Variants in ITGA9 observed in about 807,000 individuals in gnomAD.
ITGA9 encodes integrin alpha-9.
Under a neutral mutation model 127.8 loss-of-function variants are expected in ITGA9, and 56 were observed. That is an observed-to-expected ratio of 0.44 (90% confidence interval 0.35 to 0.55). The LOEUF is 0.55. Among genes scored for constraint, ITGA9 ranks in the 20% least tolerant of loss-of-function variants. The pLI is 0.00. For missense variants in ITGA9, 1,196 were observed against 1,347.1 expected (o/e 0.89, Z 1.76); for synonymous variants, 508 against 514.5 (o/e 0.99, Z 0.17).
chr3:37,618,436 C>G (rs952636725), intron 15 of ITGA9, among the ~76,000 whole-genome samples: 4 of 152,228 alleles, frequency 2.6e-5, no homozygotes, highest in Admixed American at 1.3e-4. Context: ...GGCAGTCTGT[C>G]CATTCTCAGA....
intron 1 of ITGA9, among the ~76,000 whole-genome samples, chr3:37,453,561 A>G (rs1698225496): frequency 6.6e-6 from 1 of 152,186 alleles, no homozygotes; most frequent in Admixed American, 6.5e-5. Flanking sequence ...GGCTGCGGGA[A>G]GTTCCCCCGT....
intron 18 of ITGA9, among the ~76,000 whole-genome samples, chr3:37,708,455 G>A (rs9832417): frequency 0.071 from 10,842 of 152,248 alleles, 1,169 homozygotes; most frequent in African/African-American, 0.23. Context: ...TAAAGGGAGG[G>A]TTGGAGAGTG....
chr3:37,557,929 A>G (rs1264539995), intron 15 of ITGA9, among the ~76,000 whole-genome samples: 1 of 152,208 alleles, frequency 6.6e-6, no homozygotes, highest in Non-Finnish European at 1.5e-5. Context: ...TCCAGCAACC[A>G]ACTAGTTCTA....
chr3:37,689,565 G>A (rs1700812059), intron 18 of ITGA9, among the ~76,000 whole-genome samples: 1 of 152,202 alleles, frequency 6.6e-6, no homozygotes, highest in South Asian at 2.1e-4. Flanking sequence ...CCCTGTGGGA[G>A]CAGTGAGAGG....
At chr3:37,490,974 G>C (rs267525) in intron 4 of ITGA9, among the ~76,000 whole-genome samples, 63,228 of 120,356 alleles carry the variant, frequency 0.53, 17,605 homozygotes, top group East Asian at 0.82. Flanking sequence ...CTTCCCCCCC[G>C]CTTTTTTTTT....
intron 19 of ITGA9, among the ~76,000 whole-genome samples, chr3:37,734,068 CTG>C (rs960935403): frequency 2.0e-5 from 3 of 152,238 alleles, no homozygotes; most frequent in Non-Finnish European, 4.4e-5. Context: ...CTACCACAAA[CTG>C]TGTGATCTTG....
intron 18 of ITGA9, among the ~76,000 whole-genome samples, chr3:37,720,300 A>G (rs759792571): frequency 6.6e-6 from 1 of 152,206 alleles, no homozygotes; most frequent in Non-Finnish European, 1.5e-5. Flanking sequence ...CCCTTCAAAC[A>G]TTTGACTCCC....
chr3:37,689,729 C>A (rs754218734), intron 18 of ITGA9, among the ~76,000 whole-genome samples: 10 of 152,230 alleles, frequency 6.6e-5, no homozygotes, highest in Non-Finnish European at 8.8e-5. Flanking sequence ...TGGAGATGTA[C>A]AGCTCTATGG....
intron 26 of ITGA9, among the ~76,000 whole-genome samples, chr3:37,793,375 GC>G (rs1162167016): frequency 1.4e-5 from 2 of 138,688 alleles, no homozygotes; most frequent in East Asian, 4.2e-4. Context: ...GACTTCCACA[GC>G]CCCAAACAGG....
At chr3:37,704,849 G>A (rs1194502654) in intron 18 of ITGA9, among the ~76,000 whole-genome samples, 10 of 152,198 alleles carry the variant, frequency 6.6e-5, no homozygotes. Context: ...GCAATGCTGG[G>A]TTGTAGAACA....
intron 4 of ITGA9, among the ~76,000 whole-genome samples, chr3:37,484,072 A>G (rs766921384): frequency 2.0e-5 from 3 of 152,238 alleles, no homozygotes; most frequent in Non-Finnish European, 2.9e-5. Context: ...AATGATGGTT[A>G]AATGGAACTG....
intron 8 of ITGA9, 132 bp from the exon 9 acceptor site, chr3:37,513,631 C>A: frequency 9.8e-7 from 1 of 1,023,456 alleles, no homozygotes; most frequent in Non-Finnish European, 1.5e-6. Context: ...GTTCCCCTTC[C>A]TGTGTCCATG....
chr3:37,646,207 A>C (rs1284283281), intron 16 of ITGA9, among the ~76,000 whole-genome samples: 4 of 152,226 alleles, frequency 2.6e-5, no homozygotes, highest in Non-Finnish European at 5.9e-5. Context: ...GAACACATCT[A>C]TGCCCATTCC....
At chr3:37,728,993 C>T (rs1376709192) in intron 18 of ITGA9, among the ~76,000 whole-genome samples, 2 of 151,838 alleles carry the variant, frequency 1.3e-5, no homozygotes, top group African/African-American at 4.8e-5. Flanking sequence ...GCAAAGGGGA[C>T]ATCCTTGGGT....
intron 17 of ITGA9, among the ~76,000 whole-genome samples, chr3:37,663,617 TCTC>T (rs1700558816): frequency 6.6e-6 from 1 of 152,138 alleles, no homozygotes; most frequent in African/African-American, 2.4e-5. Flanking sequence ...AACAAATTGT[TCTC>T]CTTCTCAAAA....
In ITGA9 at chr3:37,777,590, T is replaced by C. The variant is rs561845214; in HGVS notation, c.2667+73T>C. 2.0e-6 allele frequency: 3 copies of C among 1,532,372 alleles called. No individual in the cohort carries two copies. In the African/African-American group the frequency reaches 4.1e-5, roughly 21 times the overall value. 94.9% of individuals were successfully genotyped at this position (1,532,372 alleles called of 1,614,324 possible). A position where few individuals can be genotyped will look rare whatever the true frequency, so the allele number is the denominator to read the frequency against. ...GAAGACACCAGTTTTCTATTTGATA[T>C]TTATTATTTCCTAAATCTGGTTTTA... On this transcript the variant is annotated intron_variant, in intron 24 of 27. Transcript: ENST00000264741.
rs1701176573 is a variant in ITGA9 at position 37,720,173 on chromosome 3, T to C, written c.2068-12539T>C. The stretch of plus-strand genomic sequence containing the variant: ...GTAGCAAGACCTTGACAGCTTCAAG[T>C]TGCAAACCAGTTTTGAATGAGCAGA... On this transcript the variant is annotated intron_variant, in intron 18 of 27. Transcript: ENST00000264741. Among the ~76,000 whole-genome samples the C allele has an allele frequency of 3.3e-5, 5 of 152,178 alleles. No homozygotes were observed. The South Asian group carries it at 1.0e-3, about 32-fold the overall frequency.
chr3:37,765,084 G>C (rs1387158139), intron 23 of ITGA9, among the ~76,000 whole-genome samples: 1 of 152,148 alleles, frequency 6.6e-6, no homozygotes, highest in East Asian at 1.9e-4. Flanking sequence ...TTGGTGCCGA[G>C]ACCATAGTGA....
intron 1 of ITGA9, among the ~76,000 whole-genome samples, chr3:37,470,172 A>G (rs928524755): frequency 1.3e-4 from 17 of 133,390 alleles, no homozygotes; most frequent in Non-Finnish European, 2.2e-4. Context: ...TTACATATGC[A>G]GCTTTGAACA....
Sources: allele counts gnomAD v4.1 joint callset (sites outside exome capture counted in the v4.1 genomes callset), GRCh38; gene constraint gnomAD v4.1.1; transcripts MANE v1.5; gene names NCBI Gene and HGNC (gene_info 2026-07-23, HGNC 2026-07-21).